PCDHGA2: variants seen among roughly 807,000 people sequenced by gnomAD.
PCDHGA2 encodes protocadherin gamma subfamily A, 2.
PCDHGA2 carries 40 observed loss-of-function variants against 59.2 expected under a neutral mutation model. The ratio of observed to expected loss-of-function variants is 0.68; its 90% CI spans 0.52 to 0.88. The LOEUF is 0.88. PCDHGA2 is among the 40% of genes least tolerant of loss of function. PCDHGA2 has a pLI of 0.00. For synonymous variants in PCDHGA2, 560 were observed against 526.0 expected (o/e 1.06, Z -0.89); for missense variants, 1,226 against 1,204.0 (o/e 1.02, Z -0.27).
intron 3 of PCDHGA2, among the ~76,000 whole-genome samples, chr5:141,508,646 G>A (rs1434098773): frequency 2.6e-5 from 4 of 152,014 alleles, no homozygotes; most frequent in African/African-American, 9.7e-5. Flanking sequence ...ACTCCGTCAG[G>A]CCCTTCCTGT....
intron 1 of PCDHGA2, chr5:141,440,191 A>G (rs1239698049): frequency 1.3e-5 from 2 of 152,376 alleles, no homozygotes; most frequent in African/African-American, 4.8e-5. Context: ...GTTGAAGGCC[A>G]GGCATGGTGG....
chr5:141,355,320 AG>A (rs1759800188), intron 1 of PCDHGA2: 1 of 1,613,986 alleles, frequency 6.2e-7, no homozygotes, highest in East Asian at 2.2e-5. Context: ...AGGAGCAGGA[AG>A]AAGGCTCAGT....
rs183549806 is a variant in PCDHGA2 at position 141,487,760 on chromosome 5, G to A, written c.2425-7047G>A. ...TGTAAGAGGTAACTATGTGGTAGAC[G>A]CTGTGCTTTGTAACTGTTTCGTGAA... On this transcript the variant is annotated intron_variant, in intron 1 of 3. Transcript: ENST00000394576. The surrounding 1 kb of genome is among the most constrained non-coding windows in gnomAD (Gnocchi z 5.0). 42 of 1,545,950 alleles carry A rather than the reference G, an allele frequency of 2.7e-5. No homozygotes were observed. The African/African-American group carries it at 3.8e-4, about 14-fold the overall frequency.
Position 141,491,466 on chromosome 5 carries a change from T to G in PCDHGA2, c.2425-3341T>G. The G allele has an allele frequency of 6.2e-7, 1 of 1,614,068 alleles. No individual in the cohort carries two copies. Among genetic ancestry groups the G allele is most frequent in the Non-Finnish European group, 8.5e-7 (1 of 1,179,986 alleles). ...AGGACTCACCCTCCCCGGACTTCTA[T>G]AAGCAGTCCAGCCCCAACCTGCAGG... On this transcript the variant is annotated intron_variant, in intron 1 of 3. Coordinates refer to ENST00000394576, the MANE Select transcript of PCDHGA2 (RefSeq NM_018915.4). This position sits in a 1 kb window ranked among gnomAD's most constrained non-coding sequence, Gnocchi z 6.9.
chr5:141,462,070 G>C lies in PCDHGA2; in HGVS notation c.2425-32737G>C, dbSNP rs572217894. Among the ~76,000 whole-genome samples, 18 of 152,196 alleles carry C rather than the reference G, an allele frequency of 1.2e-4. No individual in the cohort carries two copies. In the South Asian group the frequency reaches 3.7e-3, roughly 32 times the overall value. On this transcript the variant is annotated intron_variant, in intron 1 of 3. Coordinates refer to ENST00000394576, the MANE Select transcript of PCDHGA2 (RefSeq NM_018915.4). ...ACTCCCGACCTCAGGTGATCTGCCC[G>C]CCTTGGCCTCCCAAAATGCTGGGAT...
rs567934336 is a variant in PCDHGA2, at chr5:141,368,320, A to G, written c.2424+26925A>G. 5.3e-5 allele frequency among the ~76,000 whole-genome samples: 8 copies of G among 152,298 alleles called. No homozygotes were observed. The East Asian group carries it at 1.5e-3, about 29-fold the overall frequency. ...TTTAAACACTGTTAAAGAGCATTCA[A>G]GTATATCTATATCTATATACATATA... On this transcript the variant is annotated intron_variant, in intron 1 of 3. Transcript: ENST00000394576.
intron 1 of PCDHGA2, chr5:141,373,843 C>T (rs1769882527): frequency 2.3e-6 from 1 of 442,614 alleles, no homozygotes; most frequent in Non-Finnish European, 4.0e-6. Flanking sequence ...AGTTAGGACT[C>T]TAAGCGTCGC....
chr5:141,497,326 T>C (rs1021730142), intron 2 of PCDHGA2, among the ~76,000 whole-genome samples: 1 of 152,060 alleles, frequency 6.6e-6, no homozygotes, highest in Non-Finnish European at 1.5e-5. Flanking sequence ...TGAAGCAGAA[T>C]TCACCATTGA....
chr5:141,445,623 A>G (rs2098472971), intron 1 of PCDHGA2, among the ~76,000 whole-genome samples: 1 of 152,172 alleles, frequency 6.6e-6, no homozygotes, highest in South Asian at 2.1e-4. Flanking sequence ...TTTTTTTCGG[A>G]AAGTGATATT....
intron 2 of PCDHGA2, among the ~76,000 whole-genome samples, chr5:141,500,027 G>C (rs1458308566): frequency 6.6e-6 from 1 of 151,808 alleles, no homozygotes; most frequent in Non-Finnish European, 1.5e-5. Flanking sequence ...ATATTTGAGT[G>C]AGTGTCTCTT....
At position 141,489,049 on chromosome 5, in the gene PCDHGA2, T is replaced by G; in HGVS notation, c.2425-5758T>G. 2.1e-6 allele frequency: 1 copy of G among 477,660 alleles called. No homozygotes were observed. Among genetic ancestry groups the G allele is most frequent in the Non-Finnish European group, 3.7e-6 (1 of 272,910 alleles). 29.6% of individuals were successfully genotyped at this position (477,660 alleles called of 1,614,324 possible). On this transcript the variant is annotated intron_variant, in intron 1 of 3. Transcript: ENST00000394576. The surrounding 1 kb of genome is among the most constrained non-coding windows in gnomAD (Gnocchi z 4.5). ...CTCCAGCTCCCCAGCTCCACTCAAA[T>G]TCAGCTCCCCTCCCCCCTGCCCACC... is the stretch of plus-strand genomic sequence containing the variant.
intron 1 of PCDHGA2, chr5:141,393,628 G>A: frequency 6.2e-7 from 1 of 1,613,922 alleles, no homozygotes; most frequent in African/African-American, 1.3e-5. Context: ...CCGGATGAGG[G>A]AATCAACGGA....
intron 1 of PCDHGA2, chr5:141,361,414 G>C (rs767003818): frequency 1.2e-6 from 2 of 1,613,876 alleles, no homozygotes; most frequent in East Asian, 2.2e-5. Context: ...AGCCACCGAC[G>C]GGGGCAAGCC....
intron 2 of PCDHGA2, among the ~76,000 whole-genome samples, chr5:141,503,456 A>G (rs920770738): frequency 1.3e-5 from 2 of 152,058 alleles, no homozygotes; most frequent in African/African-American, 4.8e-5. Context: ...TTCGCTGGGC[A>G]TGGTGGCATG....
intron 3 of PCDHGA2, among the ~76,000 whole-genome samples, chr5:141,509,693 G>A (rs72790076): frequency 0.024 from 3,613 of 152,246 alleles, 55 homozygotes; most frequent in East Asian, 0.046. Flanking sequence ...ACAGTGGGAC[G>A]TTGGACTGGA....
intron 1 of PCDHGA2, among the ~76,000 whole-genome samples, chr5:141,449,561 C>T (rs777459619): frequency 2.7e-4 from 39 of 147,008 alleles, no homozygotes; most frequent in Non-Finnish European, 4.6e-4. Flanking sequence ...TGCACTCCAG[C>T]CTGGGCGACA....
At chr5:141,465,880 TG>T (rs2154569018) in intron 1 of PCDHGA2, among the ~76,000 whole-genome samples, 1 of 152,096 alleles carries the variant, frequency 6.6e-6, no homozygotes, top group East Asian at 1.9e-4. Context: ...CCCAGCACTT[TG>T]GGAGGCCGAG....
chr5:141,457,635 T>G (rs1242403589), intron 1 of PCDHGA2, among the ~76,000 whole-genome samples: 2 of 152,270 alleles, frequency 1.3e-5, no homozygotes, highest in African/African-American at 4.8e-5. Flanking sequence ...ATACTTGGCC[T>G]GATTATTTGC....
In PCDHGA2 at chr5:141,382,679, C is replaced by T. The variant is rs184405216; in HGVS notation, c.2424+41284C>T. On this transcript the variant is annotated intron_variant, in intron 1 of 3. Transcript: ENST00000394576. ...ACTCACAGCGCCGCTGTTCACCAAC[C>T]AGGGAAAAATGGTGCGAGAGATCCC... 912 of 439,966 alleles carry T rather than the reference C, an allele frequency of 2.1e-3. 11 individuals carry two copies. Among genetic ancestry groups the T allele is most frequent in the Non-Finnish European group, 1.1e-3 (277 of 250,538 alleles). 27.3% of individuals were successfully genotyped at this position (439,966 alleles called of 1,614,324 possible). A position where few individuals can be genotyped will look rare whatever the true frequency, so the allele number is the denominator to read the frequency against.
Sources: allele counts gnomAD v4.1 joint callset (sites outside exome capture counted in the v4.1 genomes callset), GRCh38; gene constraint gnomAD v4.1.1; non-coding constraint Gnocchi (gnomAD v3.1); transcripts MANE v1.5; gene names NCBI Gene and HGNC (gene_info 2026-07-23, HGNC 2026-07-21).